The following NLRP12 variants were observed in gnomAD, a reference collection of about 807,000 sequenced individuals.
NLRP12 encodes NLR family pyrin domain containing 12, also known as NACHT, LRR and PYD domains-containing protein 12.
In NLRP12, 108 loss-of-function variants were observed where a neutral mutation model predicts 91.2. The ratio of observed to expected loss-of-function variants is 1.18; its 90% confidence interval spans 1.01 to 1.39. NLRP12 has a LOEUF of 1.39. Among genes scored for constraint, NLRP12 ranks in the 40% most tolerant of loss-of-function variants. The probability of loss-of-function intolerance (pLI) is 0.00; values close to 1 mark genes in which losing one functional copy is unlikely to be tolerated. For synonymous variants in NLRP12, 613 were observed against 566.7 expected, an observed-to-expected ratio of 1.08 and a Z score of -1.16; for missense variants, 1,530 against 1,352.7, an observed-to-expected ratio of 1.13 and a Z score of -2.06.
intron 2 of NLRP12, among the ~76,000 whole-genome samples, chr19:53,812,942 A>G (rs2092099838): frequency 6.9e-6 from 1 of 144,748 alleles, no homozygotes; most frequent in African/African-American, 2.6e-5. Flanking sequence ...GTGCAGTGGC[A>G]TGATCTAGGC....
chr19:53,816,289 G>T (rs2122725566), intron 1 of NLRP12, among the ~76,000 whole-genome samples: 1 of 152,142 alleles, frequency 6.6e-6, no homozygotes, highest in East Asian at 1.9e-4. Context: ...CCTGCTGGTT[G>T]CTAGTCCATG....
chr19:53,806,830 C>T (rs1485787158), intron 4 of NLRP12, among the ~76,000 whole-genome samples: 1 of 148,604 alleles, frequency 6.7e-6, no homozygotes, highest in Non-Finnish European at 1.5e-5. Flanking sequence ...TGCACTCCAG[C>T]CTGGGTGACA....
Position 53,801,442 on chromosome 19 carries a change from C to CTTTTTTTT in NLRP12, c.2586-46_2586-45insAAAAAAAA, listed in dbSNP as rs531637211. 4.2e-5 allele frequency: 55 copies of CTTTTTTTT among 1,304,746 alleles called. 2 individuals carry two copies. The African/African-American group carries it at 8.5e-4, about 20-fold the overall frequency. 80.8% of individuals were successfully genotyped at this position (1,304,746 alleles called of 1,614,324 possible). A position where few individuals can be genotyped will look rare whatever the true frequency, so the allele number is the denominator to read the frequency against. ...ACAAGCATTATGGAGGCTTTCCTTT[C>CTTTTTTTT]TTTTTCTTTTTTTTTTTTTTTTTTT... is the stretch of plus-strand genomic sequence containing the variant. On this transcript the variant is annotated intron_variant, in intron 6 of 9. Transcript: ENST00000324134.
In NLRP12 at chr19:53,794,098, C is replaced by T; in HGVS notation, c.3137G>A (p.Arg1046Lys). 1 of 1,613,956 alleles carries T rather than the reference C, an allele frequency of 6.2e-7. No individual in the cohort carries two copies. Among genetic ancestry groups the T allele is most frequent in the Non-Finnish European group, 8.5e-7 (1 of 1,179,894 alleles). Residue 1046 changes from arginine to lysine, a missense_variant, in exon 10 of 10, where the codon AGG becomes AAG. Physicochemically the swap from Arg to Lys is conservative, Grantham distance 26 (BLOSUM62 2). Transcript: ENST00000324134. The part of the protein sequence containing the change: ...GMDLNKMTHS[R>K]LAALRVTKPY... ...TTTTGTTACTCGAAGCGCTGCCAAC[C>T]TACTGTGGGTCATTTTATTCAGGTC...
chr19:53,819,016 G>A (rs1252759462), intron 1 of NLRP12, among the ~76,000 whole-genome samples: 1 of 152,138 alleles, frequency 6.6e-6, no homozygotes, highest in African/African-American at 2.4e-5. Flanking sequence ...CCTTGGGAAC[G>A]CTGAGCTGCC....
intron 4 of NLRP12, among the ~76,000 whole-genome samples, chr19:53,806,246 G>A (rs974257648): frequency 6.6e-6 from 1 of 151,564 alleles, no homozygotes; most frequent in Non-Finnish European, 1.5e-5. Flanking sequence ...AATAACATAT[G>A]AAAAAAATTT....
intron 6 of NLRP12, 150 bp from the exon 7 acceptor site, chr19:53,801,547 T>C (rs1318726630): frequency 1.8e-6 from 2 of 1,088,022 alleles, no homozygotes; most frequent in Admixed American, 2.5e-5. Context: ...CCACCTCCCA[T>C]GTTCAAGCGA....
In NLRP12 at chr19:53,824,094, C is replaced by A. The variant is rs1170266442; in HGVS notation, c.81G>T (p.Lys27Asn). 1 of 1,614,106 alleles carries A rather than the reference C, an allele frequency of 6.2e-7. No homozygotes were observed. Among genetic ancestry groups the A allele is most frequent in the Non-Finnish European group, 8.5e-7 (1 of 1,180,004 alleles). Reference sequence around the variant, plus strand: ...TCGCGGTCCCCAGGTATAACTTGAACTTCTTCAGTTCCACAGCCTCGAGTT... The same window carrying A: ...TCGCGGTCCCCAGGTATAACTTGAAATTCTTCAGTTCCACAGCCTCGAGTT... ...LEELEAVELK[K>N]FKLYLGTATE... Residue 27 changes from lysine to asparagine, a missense_variant, in exon 1 of 10, where the codon AAG (lysine) becomes AAT (asparagine). Lys to Asn is a moderately conservative substitution (Grantham distance 94, BLOSUM62 0). Transcript: ENST00000324134.
chr19:53,801,824 G>C (rs1439127944), intron 6 of NLRP12, among the ~76,000 whole-genome samples: 1 of 152,050 alleles, frequency 6.6e-6, no homozygotes, highest in Non-Finnish European at 1.5e-5. Flanking sequence ...CCGGCCTGGT[G>C]GCTCACGCCT....
chr19:53,801,523 C>G, intron 6 of NLRP12, 126 bp from the exon 7 acceptor site: 5 of 1,304,708 alleles, frequency 3.8e-6, no homozygotes, highest in Non-Finnish European at 5.2e-6. Context: ...GCAATCTCGG[C>G]TCAGCTGCAT....
At position 53,810,027 on chromosome 19, in the gene NLRP12, C is replaced by G; in HGVS notation, c.1632G>C (p.Leu544=). The G allele has an allele frequency of 1.2e-6, 2 of 1,614,144 alleles. No individual in the cohort carries two copies. Among genetic ancestry groups the G allele is most frequent in the Non-Finnish European group, 1.7e-6 (2 of 1,180,030 alleles). The change falls in exon 3 of 10, where the codon CTG becomes CTC. Residue 544 remains leucine (L), a synonymous_variant. Coordinates refer to ENST00000324134, the MANE Select transcript of NLRP12 (RefSeq NM_144687.4). Reference sequence around the variant, plus strand: ...TTTCAGAAAACGCGTACTCGGTCAACAGCCTGGTCACGTCCTGGTCTGGGC... The same window carrying G: ...TTTCAGAAAACGCGTACTCGGTCAAGAGCCTGGTCACGTCCTGGTCTGGGC... The part of the protein sequence containing the change: ...GAGPDQDVTR[L]LTEYAFSERS...
chr19:53,811,920 C>T (rs2092083106), intron 2 of NLRP12, among the ~76,000 whole-genome samples: 1 of 152,040 alleles, frequency 6.6e-6, no homozygotes, highest in Non-Finnish European at 1.5e-5. Context: ...CCAGATAGTG[C>T]AGACATGAAT....
chr19:53,824,022 G>A lies in NLRP12; in HGVS notation c.153C>T (p.Ala51=), dbSNP rs757210851. The part of the protein sequence containing the change: ...GKIPWGSMEK[A]GPLEMAQLLI... ...GCAGCTGGGCCATTTCCAGGGGACC[G>A]GCCTTCTCCATGCTTCCCCAGGGGA... The change falls in exon 1 of 10, where the codon GCC becomes GCT. Residue 51 remains alanine (A), a synonymous_variant. Coordinates refer to ENST00000324134, the MANE Select transcript of NLRP12 (RefSeq NM_144687.4). The A allele has an allele frequency of 1.7e-5, 28 of 1,614,032 alleles. No homozygotes were observed. Among genetic ancestry groups the A allele is most frequent in the South Asian group, 1.4e-4 (13 of 91,082 alleles).
chr19:53,820,207 AGAGAAAACAGGT>A (rs2092245761), intron 1 of NLRP12, among the ~76,000 whole-genome samples: 2 of 152,090 alleles, frequency 1.3e-5, no homozygotes, highest in Admixed American at 1.3e-4. Flanking sequence ...ATGTCACAGT[AGAGAAAACAGGT>A]GAGAAATTAC....
intron 3 of NLRP12, among the ~76,000 whole-genome samples, chr19:53,809,270 T>C (rs1334815369): frequency 3.4e-5 from 5 of 149,128 alleles, no homozygotes; most frequent in Non-Finnish European, 5.9e-5. Context: ...CAGTGGCTCA[T>C]GCCTGTAATC....
Position 53,824,009 on chromosome 19 carries a change from T to C in NLRP12, c.166A>G (p.Met56Val). 1 of 1,614,186 alleles carries C rather than the reference T, an allele frequency of 6.2e-7. No homozygotes were observed. The highest frequency in any genetic ancestry group is 8.5e-7 in the Non-Finnish European group (1 of 1,180,032). The change falls in exon 1 of 10, where the codon ATG (methionine) becomes GTG (valine). Residue 56 changes from methionine to valine, a missense_variant. Physicochemically the swap from Met to Val is conservative, Grantham distance 21. Transcript: ENST00000324134. ...AAGTGGGTGATGAGCAGCTGGGCCA[T>C]TTCCAGGGGACCGGCCTTCTCCATG... ...GSMEKAGPLE[M>V]AQLLITHFGP...
chr19:53,820,518 A>G (rs917913119), intron 1 of NLRP12, among the ~76,000 whole-genome samples: 2 of 150,384 alleles, frequency 1.3e-5, no homozygotes, highest in Non-Finnish European at 3.0e-5. Flanking sequence ...CGACAGAGTG[A>G]GACTCTGTCT....
Position 53,809,861 on chromosome 19 carries a change from G to C in NLRP12, c.1798C>G (p.Gln600Glu), listed in dbSNP as rs1030210296. The C allele has an allele frequency of 1.9e-6, 3 of 1,614,020 alleles. No homozygotes were observed. The highest frequency in any genetic ancestry group is 2.7e-5 in the African/African-American group (2 of 74,930). ...DLLQWIQSKAQSDGSTLQQGS... is the reference protein window; with the variant it reads ...DLLQWIQSKAESDGSTLQQGS... ...TGCTGCAGGGTGGAGCCGTCGCTCTGAGCTTTGCTTTGGATCCACTGCAAC... is the reference window on the plus strand; with the variant it reads ...TGCTGCAGGGTGGAGCCGTCGCTCTCAGCTTTGCTTTGGATCCACTGCAAC... Residue 600 changes from glutamine (Q) to glutamate (E), a missense_variant, in exon 3 of 10, where the codon CAG becomes GAG. By Grantham distance (29) the Gln-to-Glu change is conservative. Transcript: ENST00000324134.
chr19:53,804,241 G>A (rs1023885432), intron 5 of NLRP12, 119 bp from the exon 6 acceptor site: 43 of 1,139,898 alleles, frequency 3.8e-5, no homozygotes, highest in Middle Eastern at 2.5e-4. Context: ...CACCCAGGGT[G>A]AAGTTCAGTG....
Sources: gnomAD v4.1 joint callset for allele counts (sites outside exome capture counted in the v4.1 genomes callset) on GRCh38, gnomAD v4.1.1 for gene constraint, MANE v1.5 for transcripts, NCBI Gene and HGNC (gene_info 2026-07-23, HGNC 2026-07-21) for gene names.